SLC22A16: variants seen among roughly 807,000 people sequenced by gnomAD.
SLC22A16 encodes WUGSC:RG331P03.1.
A neutral mutation model predicts 52.9 loss-of-function variants in SLC22A16; 53 were observed. The observed-to-expected ratio is 1.00, with a 90% confidence interval of 0.80 to 1.26. The LOEUF (loss-of-function observed/expected upper bound fraction) is 1.26. Ranked by LOEUF, SLC22A16 falls within the 50% of genes most tolerant of loss-of-function variation. The pLI is 0.00. For missense variants in SLC22A16, 726 were observed against 704.0 expected (o/e 1.03, Z -0.35); for synonymous variants, 291 against 268.8 (o/e 1.08, Z -0.81).
At chr6:110,450,687 C>A (rs1004660925) in intron 2 of SLC22A16, among the ~76,000 whole-genome samples, 18 of 150,182 alleles carry the variant, frequency 1.2e-4, no homozygotes, top group African/African-American at 4.4e-4. Context: ...ATATTCTCCA[C>A]TGTTAGCTCC....
intron 4 of SLC22A16, among the ~76,000 whole-genome samples, chr6:110,439,757 T>C (rs1235976789): frequency 6.6e-6 from 1 of 152,200 alleles, no homozygotes. Flanking sequence ...TTTCTAATAT[T>C]TCTCTCACGT....
At chr6:110,461,491 G>A (rs1450347037) in intron 1 of SLC22A16, among the ~76,000 whole-genome samples, 1 of 152,170 alleles carries the variant, frequency 6.6e-6, no homozygotes, top group Non-Finnish European at 1.5e-5. Context: ...ACCTGAGGGT[G>A]AGCTAGCTCT....
chr6:110,464,131 G>A (rs1418762124), intron 1 of SLC22A16, among the ~76,000 whole-genome samples: 1 of 151,978 alleles, frequency 6.6e-6, no homozygotes, highest in African/African-American at 2.4e-5. Context: ...AAACCTCTGG[G>A]ATACAGCAAA....
chr6:110,445,018 CTG>C (rs1445523992), intron 3 of SLC22A16, among the ~76,000 whole-genome samples: 1 of 152,198 alleles, frequency 6.6e-6, no homozygotes, highest in Non-Finnish European at 1.5e-5. Flanking sequence ...CCAAAACACT[CTG>C]TGAATCCACT....
intron 6 of SLC22A16, 61 bp from the exon 7 acceptor site, chr6:110,431,331 C>T (rs1028274974): frequency 1.4e-6 from 2 of 1,387,444 alleles, no homozygotes; most frequent in Non-Finnish European, 2.0e-6. Flanking sequence ...GATTGAGGGA[C>T]CTGCTTCCTG....
chr6:110,447,091 G>A, intron 2 of SLC22A16, 101 bp from the exon 3 acceptor site: 1 of 851,242 alleles, frequency 1.2e-6, no homozygotes. Context: ...TATATACCTT[G>A]AATAGCTTAT....
chr6:110,453,660 C>T (rs1367760342), intron 2 of SLC22A16: 2 of 456,162 alleles, frequency 4.4e-6, no homozygotes, highest in Non-Finnish European at 8.8e-6. Flanking sequence ...TGTGGGGAAT[C>T]CACTGGTTTT....
rs201509485 is a variant in SLC22A16 at position 110,456,742 on chromosome 6, G to A, written c.329C>T (p.Ser110Leu). ...GCCAGTGTATTCATAGCCCAAACTCGATGTGTTCTCCCTCTTATTCCTGCT... is the reference window on the plus strand; with the variant it reads ...GCCAGTGTATTCATAGCCCAAACTCAATGTGTTCTCCCTCTTATTCCTGCT... The part of the protein sequence containing the change: ...RCSRNKRENT[S>L]SLGYEYTGSK... The change falls in exon 2 of 8, where the codon TCG becomes TTG. Residue 110 changes from serine (S) to leucine (L), a missense_variant. Transcript: ENST00000368919. The A allele has an allele frequency of 1.2e-4, 194 of 1,613,972 alleles. 2 individuals are homozygous for A. The South Asian group carries it at 1.5e-3, about 13-fold the overall frequency.
chr6:110,460,909 A>C (rs1775856881), intron 1 of SLC22A16, among the ~76,000 whole-genome samples: 1 of 152,186 alleles, frequency 6.6e-6, no homozygotes, highest in South Asian at 2.1e-4. Context: ...GGACAAAGGA[A>C]ATGCAGGCAC....
At chr6:110,440,729 A>G (rs945834368) in intron 4 of SLC22A16, among the ~76,000 whole-genome samples, 1 of 152,308 alleles carries the variant, frequency 6.6e-6, no homozygotes, top group South Asian at 2.1e-4. Context: ...GTGAGCTGAG[A>G]TCACACCACT....
chr6:110,439,425 T>C (rs1774875682), intron 4 of SLC22A16, among the ~76,000 whole-genome samples: 2 of 152,286 alleles, frequency 1.3e-5, no homozygotes, highest in East Asian at 1.9e-4. Context: ...TACTGCACCA[T>C]CTCAAATTGT....
intron 3 of SLC22A16, among the ~76,000 whole-genome samples, chr6:110,445,327 G>GA (rs1775128277): frequency 5.9e-5 from 9 of 152,058 alleles, no homozygotes. Flanking sequence ...CTCACAGTGA[G>GA]AAAACCCTTG....
intron 1 of SLC22A16, among the ~76,000 whole-genome samples, chr6:110,468,638 T>C (rs1193256780): frequency 1.5e-5 from 2 of 136,548 alleles, no homozygotes; most frequent in African/African-American, 2.9e-5. Flanking sequence ...CGAGCGAGGC[T>C]CTGTCTCAAA....
At position 110,476,564 on chromosome 6, in the gene SLC22A16, C is replaced by T; in HGVS notation, c.11G>A (p.Arg4His). Residue 4 changes from arginine (R) to histidine (H), a missense_variant, in exon 1 of 8, where the codon CGC becomes CAC. Coordinates refer to ENST00000368919, the MANE Select transcript of SLC22A16 (RefSeq NM_033125.4). ...GTGGTCATAAATCCCCTCGAAGTGG[C>T]GGGACCCCATGGTGCGGCCGTGCAC... MGS[R>H]HFEGIYDHVG... is the part of the protein sequence containing the mutation. 2 of 1,525,404 alleles carry T rather than the reference C, an allele frequency of 1.3e-6. No individual in the cohort carries two copies. Among genetic ancestry groups the T allele is most frequent in the Non-Finnish European group, 1.8e-6 (2 of 1,139,402 alleles). The allele number at this position is 1,525,404 out of a possible 1,614,324, so 94.5% of individuals were successfully genotyped here. A position where few individuals can be genotyped will look rare whatever the true frequency, so the allele number is the denominator to read the frequency against.
At chr6:110,471,959 T>C (rs1776275045) in intron 1 of SLC22A16, among the ~76,000 whole-genome samples, 1 of 152,218 alleles carries the variant, frequency 6.6e-6, no homozygotes, top group Non-Finnish European at 1.5e-5. Context: ...CCAGCTGGAC[T>C]GCAGCCCTGG....
intron 7 of SLC22A16, chr6:110,425,366 A>G (rs751336381): frequency 1.3e-4 from 181 of 1,369,060 alleles, no homozygotes; most frequent in Non-Finnish European, 1.7e-4. Flanking sequence ...TTACTCCTGA[A>G]GGTGCTGTCC....
At chr6:110,437,504 A>C (rs903600618) in intron 5 of SLC22A16, among the ~76,000 whole-genome samples, 1 of 152,218 alleles carries the variant, frequency 6.6e-6, no homozygotes. Context: ...TGGAAATTTC[A>C]TTACATAAAA....
intron 4 of SLC22A16, among the ~76,000 whole-genome samples, chr6:110,441,737 AG>A (rs1196442744): frequency 1.3e-5 from 2 of 152,232 alleles, no homozygotes; most frequent in African/African-American, 4.8e-5. Flanking sequence ...TCATCAAACA[AG>A]GGCAATTTTG....
rs544056826 is a variant in SLC22A16 at position 110,456,507 on chromosome 6, T to C, written c.533+31A>G. ...CCAGATAGGAAAATAAACCCTACAC[T>C]GATACAACAATCCTAAATATTTGAT... On this transcript the variant is annotated intron_variant, in intron 2 of 7. Coordinates refer to ENST00000368919, the MANE Select transcript of SLC22A16 (RefSeq NM_033125.4). 8 of 1,609,014 alleles carry C rather than the reference T, an allele frequency of 5.0e-6. No individual in the cohort carries two copies. The Admixed American group carries it at 1.3e-4, about 27-fold the overall frequency.
Sources: allele counts gnomAD v4.1 joint callset (sites outside exome capture counted in the v4.1 genomes callset), GRCh38; gene constraint gnomAD v4.1.1; transcripts MANE v1.5; gene names NCBI Gene and HGNC (gene_info 2026-07-23, HGNC 2026-07-21).